The following GPD1L variants were observed in gnomAD, a reference collection of about 807,000 sequenced individuals.
GPD1L encodes glycerol-3-phosphate dehydrogenase 1-like protein.
Under a neutral mutation model 32.9 loss-of-function variants are expected in GPD1L, and 17 were observed. The observed-to-expected ratio is 0.52, with a 90% CI of 0.35 to 0.78. GPD1L has a LOEUF of 0.78. Among genes scored for constraint, GPD1L ranks in the 30% least tolerant of loss-of-function variants. The pLI is 0.01. For synonymous variants in GPD1L, 187 were observed against 165.9 expected (o/e 1.13, Z -0.98); for missense variants, 361 against 447.8 (o/e 0.81, Z 1.75).
At chr3:32,152,779 G>A (rs1051988594) in intron 5 of GPD1L, among the ~76,000 whole-genome samples, 1 of 150,988 alleles carries the variant, frequency 6.6e-6, no homozygotes, top group Non-Finnish European at 1.5e-5. Flanking sequence ...CTGTGAAAGT[G>A]ACCAGAGCAT....
chr3:32,143,560 C>T (rs967214634), intron 4 of GPD1L, among the ~76,000 whole-genome samples: 26 of 152,072 alleles, frequency 1.7e-4, no homozygotes, highest in African/African-American at 4.1e-4. Flanking sequence ...GATATATTAC[C>T]GAGCCAGGCG....
chr3:32,121,603 CTATATATATTTCTATATATAT>C (rs1266856435), intron 1 of GPD1L, among the ~76,000 whole-genome samples: 10,223 of 114,072 alleles, frequency 0.09, 1,258 homozygotes, highest in African/African-American at 0.15. Context: ...ATATATATTT[CTATATATATTTCTATATATAT>C]TATATATATT....
chr3:32,144,014 G>T (rs1700785440), intron 4 of GPD1L, among the ~76,000 whole-genome samples: 1 of 152,168 alleles, frequency 6.6e-6, no homozygotes, highest in African/African-American at 2.4e-5. Context: ...AGCACTATGT[G>T]CAGTGTGGGG....
rs1415026565 is a variant in GPD1L at position 32,167,130 on chromosome 3, A to C, written c.*1220A>C. On this transcript the variant is annotated 3_prime_UTR_variant, in exon 8 of 8. Transcript: ENST00000282541. ...TTTAGAAAATCTGCTTTAACTTGGT[A>C]TTCCTCTAATTGTGTTCCCTAGGAA... 6.6e-6 allele frequency: 1 copy of C among 152,164 alleles called. No individual in the cohort carries two copies. The highest frequency in any genetic ancestry group is 1.9e-4 in the East Asian group (1 of 5,194). 9.4% of individuals were successfully genotyped at this position (152,164 alleles called of 1,614,324 possible). A position where few individuals can be genotyped will look rare whatever the true frequency, so the allele number is the denominator to read the frequency against.
At chr3:32,140,203 T>C in intron 3 of GPD1L, 25 bp from the exon 4 acceptor site, 1 of 1,613,708 alleles carries the variant, frequency 6.2e-7, no homozygotes, top group Non-Finnish European at 8.5e-7. Flanking sequence ...GTTTGTTCTC[T>C]CCTAACTTCT....
chr3:32,146,626 C>T lies in GPD1L; in HGVS notation c.510C>T (p.Ser170=), dbSNP rs947729061. ...AEKFCETTIG[S]KVMENGLLFK... Reference sequence around the variant, plus strand: ...TGTTGTCTAACCTTTCAACAGGCAGCAAAGTAATGGAGAACGGCCTTCTCT... The same window carrying T: ...TGTTGTCTAACCTTTCAACAGGCAGTAAAGTAATGGAGAACGGCCTTCTCT... Residue 170 remains serine, a synonymous_variant, in exon 5 of 8, where the codon AGC becomes AGT. Transcript: ENST00000282541. 6.3e-7 allele frequency: 1 copy of T among 1,599,634 alleles called. No homozygotes were observed. Among genetic ancestry groups the T allele is most frequent in the Admixed American group, 1.7e-5 (1 of 60,000 alleles).
chr3:32,161,219 C>T (rs1361481588), intron 7 of GPD1L, among the ~76,000 whole-genome samples: 1 of 152,144 alleles, frequency 6.6e-6, no homozygotes, highest in African/African-American at 2.4e-5. Context: ...GAGTTCTGTA[C>T]TGAAAGTTAA....
intron 4 of GPD1L, among the ~76,000 whole-genome samples, chr3:32,142,291 G>A (rs1031380839): frequency 7.9e-5 from 12 of 151,924 alleles, no homozygotes; most frequent in African/African-American, 2.2e-4. Flanking sequence ...GCTAATTTTT[G>A]TATTTTTGGT....
intron 5 of GPD1L, chr3:32,151,857 A>G (rs1700925021): frequency 6.5e-6 from 1 of 152,838 alleles, no homozygotes; most frequent in African/African-American, 2.4e-5. Flanking sequence ...TGGAGAACAT[A>G]TGTCAGGTAC....
intron 5 of GPD1L, among the ~76,000 whole-genome samples, chr3:32,153,505 G>A (rs7642090): frequency 1.3e-5 from 2 of 151,968 alleles, no homozygotes; most frequent in Non-Finnish European, 2.9e-5. Flanking sequence ...ATATTGGTGC[G>A]ACCGACTAGG....
intron 2 of GPD1L, among the ~76,000 whole-genome samples, chr3:32,133,431 T>A (rs894655811): frequency 3.3e-5 from 5 of 152,170 alleles, no homozygotes; most frequent in Non-Finnish European, 4.4e-5. Context: ...AACAGGAAAA[T>A]TCTTATAATA....
chr3:32,144,674 G>T (rs1367155137), intron 4 of GPD1L, among the ~76,000 whole-genome samples: 1 of 151,680 alleles, frequency 6.6e-6, no homozygotes, highest in Non-Finnish European at 1.5e-5. Context: ...TTTATTACTG[G>T]GGTTTGTTGT....
intron 1 of GPD1L, among the ~76,000 whole-genome samples, chr3:32,127,145 T>C (rs1700522121): frequency 6.6e-6 from 1 of 152,156 alleles, no homozygotes; most frequent in South Asian, 2.1e-4. Flanking sequence ...CACCCCCTAC[T>C]CCATCTCATC....
intron 5 of GPD1L, among the ~76,000 whole-genome samples, chr3:32,154,046 T>C (rs1340507913): frequency 6.6e-6 from 1 of 152,162 alleles, no homozygotes; most frequent in Non-Finnish European, 1.5e-5. Flanking sequence ...TCGGAGGACA[T>C]CTGCTCGGAT....
intron 2 of GPD1L, among the ~76,000 whole-genome samples, chr3:32,135,415 A>G (rs939176765): frequency 2.0e-5 from 3 of 152,148 alleles, no homozygotes; most frequent in African/African-American, 7.2e-5. Flanking sequence ...ACACAGGCCA[A>G]TTGTGGGTTG....
chr3:32,134,488 G>GGTTT (rs1438587377), intron 2 of GPD1L, among the ~76,000 whole-genome samples: 4 of 152,134 alleles, frequency 2.6e-5, no homozygotes, highest in African/African-American at 9.7e-5. Context: ...CCTTGAGAAT[G>GGTTT]GTTTGTTTGT....
intron 5 of GPD1L, among the ~76,000 whole-genome samples, chr3:32,150,516 A>G (rs1302614694): frequency 5.5e-5 from 8 of 146,340 alleles, no homozygotes; most frequent in African/African-American, 2.0e-4. Flanking sequence ...TTTTTTTGAG[A>G]CAGAGTCTTG....
intron 1 of GPD1L, among the ~76,000 whole-genome samples, chr3:32,120,575 T>C (rs1700398015): frequency 6.6e-6 from 1 of 152,172 alleles, no homozygotes; most frequent in African/African-American, 2.4e-5. Context: ...TGACGCTATC[T>C]GGTGCGAGTT....
Position 32,159,243 on chromosome 3 carries a change from T to C in GPD1L, c.852+134T>C, listed in dbSNP as rs1701042818. ...ATTGTTCCGTTTGCCTGGCTGCTTT[T>C]TCACTTGACTCTTCTGTTCTTTATC... On this transcript the variant is annotated intron_variant, in intron 6 of 7. Coordinates refer to ENST00000282541, the MANE Select transcript of GPD1L (RefSeq NM_015141.4). 5.7e-6 allele frequency: 4 copies of C among 697,676 alleles called. No homozygotes were observed. In the East Asian group the frequency reaches 1.1e-4, roughly 19 times the overall value. The allele number at this position is 697,676 out of a possible 1,614,324, so 43.2% of individuals were successfully genotyped here.
Sources: gnomAD v4.1 joint callset for allele counts (sites outside exome capture counted in the v4.1 genomes callset) on GRCh38, gnomAD v4.1.1 for gene constraint, MANE v1.5 for transcripts, NCBI Gene and HGNC (gene_info 2026-07-23, HGNC 2026-07-21) for gene names.